Variants in DYSF observed in about 807,000 individuals in gnomAD.
The protein encoded by DYSF is dystrophy-associated fer-1-like 1.
DYSF carries 212 observed loss-of-function variants against 274.9 expected under a neutral mutation model. The ratio of observed to expected loss-of-function variants is 0.77; its 90% CI spans 0.69 to 0.86. The LOEUF is 0.86. DYSF is among the 40% of genes least tolerant of loss of function. The probability of loss-of-function intolerance (pLI) is 0.00; values close to 1 mark genes in which losing one functional copy is unlikely to be tolerated. For missense variants in DYSF, 2,666 were observed against 2,783.2 expected (o/e 0.96, Z 0.95); for synonymous variants, 1,091 against 1,078.7 (o/e 1.01, Z -0.22).
chr2:71,543,175 C>T (rs2090103422), intron 17 of DYSF, among the ~76,000 whole-genome samples: 1 of 151,032 alleles, frequency 6.6e-6, no homozygotes, highest in South Asian at 2.1e-4. Flanking sequence ...GGGCTCCTCA[C>T]TTCTCAGATG....
chr2:71,502,266 A>T (rs976116688), intron 3 of DYSF, among the ~76,000 whole-genome samples: 4 of 152,176 alleles, frequency 2.6e-5, no homozygotes, highest in Non-Finnish European at 5.9e-5. Context: ...CAGAGACCAG[A>T]AAAGGGATGA....
intron 53 of DYSF, among the ~76,000 whole-genome samples, chr2:71,679,931 T>C (rs1389134819): frequency 6.6e-6 from 1 of 152,180 alleles, no homozygotes; most frequent in East Asian, 1.9e-4. Context: ...AATAAAGGGA[T>C]ACAGTAGTCC....
chr2:71,679,393 C>A (rs1429365254), intron 53 of DYSF, among the ~76,000 whole-genome samples, 158 bp downstream of exon 53: 8 of 151,666 alleles, frequency 5.3e-5, no homozygotes, highest in Non-Finnish European at 7.4e-5. Context: ...TTTTCCAAGG[C>A]ATTCTCCCTC....
intron 33 of DYSF, 72 bp from the exon 34 acceptor site, chr2:71,600,630 C>A: frequency 6.2e-7 from 1 of 1,608,396 alleles, no homozygotes; most frequent in Non-Finnish European, 8.5e-7. Context: ...CACATGTAGA[C>A]CTGATCTCTC....
At chr2:71,613,184 A>T in intron 39 of DYSF, 150 bp from the exon 40 acceptor site, 1 of 724,870 alleles carries the variant, frequency 1.4e-6, no homozygotes. Flanking sequence ...AGAGGGACTT[A>T]TTGGGAAGTA....
rs138023274 is a variant in DYSF at position 71,495,205 on chromosome 2, G to T, written c.240-8009G>T. On this transcript the variant is annotated intron_variant, in intron 3 of 55. Transcript: ENST00000410020. ...CATTTTATTCTCATCAGTATCCCCAGTACCTACAACCGTACCTGACCCATG... is the reference window on the plus strand; with the variant it reads ...CATTTTATTCTCATCAGTATCCCCATTACCTACAACCGTACCTGACCCATG... Among the ~76,000 whole-genome samples the T allele has an allele frequency of 5.3e-5, 8 of 152,322 alleles. No homozygotes were observed. The East Asian group carries it at 1.5e-3, about 29-fold the overall frequency.
intron 41 of DYSF, among the ~76,000 whole-genome samples, chr2:71,627,587 G>GA (rs1277184198): frequency 6.6e-6 from 1 of 152,040 alleles, no homozygotes; most frequent in East Asian, 1.9e-4. Context: ...TGTGCATTTA[G>GA]AACAGGCTTG....
intron 41 of DYSF, among the ~76,000 whole-genome samples, chr2:71,628,018 T>G (rs1292897526): frequency 1.3e-5 from 2 of 152,154 alleles, no homozygotes; most frequent in East Asian, 3.8e-4. Context: ...TAGATTCTAT[T>G]TGTGTTTAAT....
intron 41 of DYSF, among the ~76,000 whole-genome samples, chr2:71,621,126 T>A (rs1558648786): frequency 2.0e-5 from 3 of 152,006 alleles, no homozygotes; most frequent in Non-Finnish European, 4.4e-5. Flanking sequence ...CCTGAGTGGA[T>A]TCCTTAGGTG....
chr2:71,492,874 A>G (rs2083991017), intron 3 of DYSF, among the ~76,000 whole-genome samples: 1 of 151,822 alleles, frequency 6.6e-6, no homozygotes, highest in Non-Finnish European at 1.5e-5. Context: ...ACGATGCCAT[A>G]CTTTTTTGTT....
intron 32 of DYSF, among the ~76,000 whole-genome samples, chr2:71,595,736 C>T (rs1298992423): frequency 6.6e-6 from 1 of 152,172 alleles, no homozygotes; most frequent in Non-Finnish European, 1.5e-5. Context: ...CTGGGGCAGC[C>T]GTGGTCCTCA....
chr2:71,626,158 C>T (rs148323022), intron 41 of DYSF, among the ~76,000 whole-genome samples: 322 of 151,940 alleles, frequency 2.1e-3, no homozygotes, highest in African/African-American at 7.6e-3. Context: ...TTGCCATTGA[C>T]TAGAACCTTC....
intron 4 of DYSF, among the ~76,000 whole-genome samples, chr2:71,504,846 A>T (rs1573576593): frequency 1.3e-5 from 2 of 151,802 alleles, no homozygotes; most frequent in African/African-American, 4.8e-5. Flanking sequence ...TCCCCTCCAT[A>T]CCTCCCTTCG....
Position 71,481,917 on chromosome 2 carries a change from G to C in DYSF, c.186G>C (p.Gln62His). Residue 62 changes from glutamine (Q) to histidine (H), a missense_variant, in exon 3 of 56, where the codon CAG becomes CAC. Coordinates refer to ENST00000410020, the MANE Select transcript of DYSF (RefSeq NM_001130987.2). ...EWDLKGIPLD[Q>H]GSELHVVVKD... ...ACCTCAAGGGCATCCCCCTGGACCA[G>C]GGCTCTGAGCTTCATGTGGTGGTCA... is the stretch of plus-strand genomic sequence containing the variant. 6.2e-7 allele frequency: 1 copy of C among 1,614,186 alleles called. No homozygotes were observed.
At chr2:71,478,779 C>T (rs6758371) in intron 1 of DYSF, among the ~76,000 whole-genome samples, 121,149 of 151,978 alleles carry the variant, frequency 0.8, 49,041 homozygotes, top group East Asian at 0.99. Flanking sequence ...TGAGCCCCTC[C>T]CTGCCTCCCT....
Position 71,669,137 on chromosome 2 carries a change from A to T in DYSF, c.5572A>T (p.Asn1858Tyr). The T allele has an allele frequency of 6.2e-7, 1 of 1,608,008 alleles. No homozygotes were observed. Among genetic ancestry groups the T allele is most frequent in the Middle Eastern group, 1.7e-4 (1 of 6,052 alleles). Reference protein sequence around the residue: ...RRFFLRCIIWNTRDVILDDLS... With the variant: ...RRFFLRCIIWYTRDVILDDLS... ...GTTTTTCCTGCGTTGTATTATCTGGAATACCAGAGATGTGATCCTGGATGA... is the reference window on the plus strand; with the variant it reads ...GTTTTTCCTGCGTTGTATTATCTGGTATACCAGAGATGTGATCCTGGATGA... Residue 1858 changes from asparagine (N) to tyrosine (Y), a missense_variant, in exon 50 of 56, where the codon AAT (asparagine) becomes TAT (tyrosine). Coordinates refer to ENST00000410020, the MANE Select transcript of DYSF (RefSeq NM_001130987.2).
chr2:71,513,063 G>A (rs1242174463), intron 5 of DYSF, among the ~76,000 whole-genome samples, 177 bp from the exon 6 acceptor site: 1 of 152,132 alleles, frequency 6.6e-6, no homozygotes, highest in Non-Finnish European at 1.5e-5. Context: ...TTCCAGACAC[G>A]CCTGGGAGGT....
chr2:71,614,023 G>A (rs1040738806), intron 40 of DYSF, among the ~76,000 whole-genome samples: 2 of 152,200 alleles, frequency 1.3e-5, no homozygotes, highest in African/African-American at 4.8e-5. Flanking sequence ...CAGCAACTGA[G>A]GGCCAGCCTG....
Position 71,669,175 on chromosome 2 carries a change from G to T in DYSF, c.5610G>T (p.Thr1870=), listed in dbSNP as rs759960173. ...RDVILDDLSL[T]GEKMSDIYVK... ...TGATCCTGGATGACCTGAGCCTCAC[G>T]GGGGAGAAGATGAGCGACATTTATG... Residue 1870 remains threonine (T), a synonymous_variant, in exon 50 of 56, where the codon ACG becomes ACT. Transcript: ENST00000410020. 5.0e-6 allele frequency: 8 copies of T among 1,610,392 alleles called. No homozygotes were observed. The South Asian group carries it at 8.9e-5, about 18-fold the overall frequency.
Sources: allele counts gnomAD v4.1 joint callset (sites outside exome capture counted in the v4.1 genomes callset), GRCh38; gene constraint gnomAD v4.1.1; transcripts MANE v1.5; gene names NCBI Gene and HGNC (gene_info 2026-07-23, HGNC 2026-07-21).